TNKS: variants seen among roughly 807,000 people sequenced by gnomAD.
The protein encoded by TNKS is poly [ADP-ribose] polymerase tankyrase-1.
TNKS carries 72 observed loss-of-function variants against 135.8 expected under a neutral mutation model. The ratio of observed to expected loss-of-function variants is 0.53; its 90% CI spans 0.44 to 0.64. TNKS has a LOEUF of 0.64. TNKS is among the 30% of genes least tolerant of loss of function. The pLI, the probability that TNKS is intolerant of heterozygous loss-of-function variation, is 0.00. For missense variants in TNKS, 1,769 were observed against 1,674.0 expected, an observed-to-expected ratio of 1.06 and a Z score of -0.99; for synonymous variants, 849 against 649.3, an observed-to-expected ratio of 1.31 and a Z score of -4.68.
chr8:9,579,819 T>C (rs900026052), intron 1 of TNKS, among the ~76,000 whole-genome samples: 6 of 152,208 alleles, frequency 3.9e-5, no homozygotes, highest in Non-Finnish European at 7.3e-5. Flanking sequence ...TGAGTTTCTA[T>C]ATACAGTTTT....
In TNKS at chr8:9,607,262, GTTA is replaced by G. The variant is rs982833357; in HGVS notation, c.899-8317_899-8315del. 6.6e-5 allele frequency among the ~76,000 whole-genome samples: 10 copies of G among 152,128 alleles called. No homozygotes were observed. The East Asian group carries it at 1.5e-3, about 23-fold the overall frequency. ...GGAATCATTTTACATTTATGCAAAT[GTTA>G]TTCATATTTGACTTAATTGAAGACA... is the stretch of plus-strand genomic sequence containing the variant. On this transcript the variant is annotated intron_variant, in intron 2 of 26. Coordinates refer to ENST00000310430, the MANE Select transcript of TNKS (RefSeq NM_003747.3).
At chr8:9,657,253 ACCCCCCCACCTCCCTCCCGGACGG>A (rs1801427379) in intron 3 of TNKS, among the ~76,000 whole-genome samples, 1 of 80,350 alleles carries the variant, frequency 1.2e-5, no homozygotes, top group Admixed American at 1.2e-4. Flanking sequence ...CGGGGGGCCG[ACCCCCCCACCTCCCTCCCGGACGG>A]GGCGGCTGGC....
chr8:9,686,615 A>T (rs1803012991), intron 5 of TNKS, among the ~76,000 whole-genome samples: 2 of 152,304 alleles, frequency 1.3e-5, no homozygotes, highest in South Asian at 4.1e-4. Context: ...ATAAGTGAGG[A>T]TTTTAAAATA....
chr8:9,652,294 G>A (rs963070656), intron 3 of TNKS, among the ~76,000 whole-genome samples: 1 of 152,130 alleles, frequency 6.6e-6, no homozygotes, highest in Non-Finnish European at 1.5e-5. Context: ...TCTCAATAAG[G>A]TTCTATCTTT....
chr8:9,741,054 G>C (rs182261924), intron 17 of TNKS: 4 of 151,764 alleles, frequency 2.6e-5, no homozygotes, highest in African/African-American at 4.8e-5. Context: ...CTCGTGATCC[G>C]CCTGCCTCGG....
chr8:9,592,609 T>G (rs1798627799), intron 2 of TNKS, among the ~76,000 whole-genome samples: 1 of 152,222 alleles, frequency 6.6e-6, no homozygotes, highest in African/African-American at 2.4e-5. Flanking sequence ...TGTACCACGT[T>G]CTCTGTGGTA....
At chr8:9,733,838 C>G (rs999917940) in intron 15 of TNKS, among the ~76,000 whole-genome samples, 9 of 152,106 alleles carry the variant, frequency 5.9e-5, no homozygotes, top group Middle Eastern at 3.4e-3. Context: ...TAGTAAACAT[C>G]AAATATTGTG....
chr8:9,778,652 G>A lies in TNKS; in HGVS notation c.*1916G>A, dbSNP rs1408519892. The A allele has an allele frequency of 6.6e-6, 1 of 152,560 alleles. No homozygotes were observed. Among genetic ancestry groups the A allele is most frequent in the Non-Finnish European group, 1.5e-5 (1 of 68,022 alleles). 9.5% of individuals were successfully genotyped at this position (152,560 alleles called of 1,614,324 possible). On this transcript the variant is annotated 3_prime_UTR_variant, in exon 27 of 27. Coordinates refer to ENST00000310430, the MANE Select transcript of TNKS (RefSeq NM_003747.3). ...GCACTAGAATTCCAGGTGAAGCTTT[G>A]AGAGTTGATATTCATTAAGAGGGCT...
At chr8:9,572,189 A>T (rs186992565) in intron 1 of TNKS, among the ~76,000 whole-genome samples, 36 of 152,326 alleles carry the variant, frequency 2.4e-4, no homozygotes, top group African/African-American at 7.5e-4. Context: ...GATTTTGCAT[A>T]TCTGAGATTA....
chr8:9,694,621 G>T (rs1388140574), intron 5 of TNKS, among the ~76,000 whole-genome samples: 1 of 152,054 alleles, frequency 6.6e-6, no homozygotes, highest in Non-Finnish European at 1.5e-5. Flanking sequence ...AATTAGCCGG[G>T]TGTGGTGGTG....
intron 3 of TNKS, among the ~76,000 whole-genome samples, chr8:9,665,420 C>G (rs1197975158): frequency 6.6e-6 from 1 of 152,190 alleles, no homozygotes; most frequent in Admixed American, 6.5e-5. Flanking sequence ...ACCAGATTTA[C>G]TTTTTCTGTT....
intron 20 of TNKS, among the ~76,000 whole-genome samples, chr8:9,753,264 T>G (rs1806649655): frequency 6.6e-6 from 1 of 152,210 alleles, no homozygotes. Context: ...TTCATCTCAT[T>G]TCATTATTCA....
chr8:9,578,004 C>T (rs1177604522), intron 1 of TNKS, among the ~76,000 whole-genome samples: 1 of 152,166 alleles, frequency 6.6e-6, no homozygotes, highest in Admixed American at 6.5e-5. Flanking sequence ...GACTTCGAAA[C>T]CCAGCAGGGC....
intron 3 of TNKS, among the ~76,000 whole-genome samples, chr8:9,638,334 C>G (rs753098671): frequency 6.6e-6 from 1 of 152,210 alleles, no homozygotes; most frequent in South Asian, 2.1e-4. Flanking sequence ...ATGTTACTTA[C>G]TTTCTCATTA....
intron 2 of TNKS, among the ~76,000 whole-genome samples, chr8:9,591,530 A>C (rs947978218): frequency 3.9e-5 from 6 of 152,146 alleles, no homozygotes; most frequent in Non-Finnish European, 8.8e-5. Context: ...TGTTGAGAAT[A>C]TTTTTATGTA....
intron 3 of TNKS, among the ~76,000 whole-genome samples, chr8:9,639,930 A>G (rs763651472): frequency 6.6e-6 from 1 of 152,224 alleles, no homozygotes; most frequent in Non-Finnish European, 1.5e-5. Flanking sequence ...GGACGGTTCA[A>G]GAACAGTGGG....
intron 1 of TNKS, among the ~76,000 whole-genome samples, chr8:9,578,992 A>T (rs968789142): frequency 6.6e-6 from 1 of 152,112 alleles, no homozygotes; most frequent in Non-Finnish European, 1.5e-5. Context: ...TTAAATCCTC[A>T]TGGTACTGGA....
At chr8:9,751,547 GA>G in intron 18 of TNKS, 61 bp from the exon 19 acceptor site, 6 of 1,481,006 alleles carry the variant, frequency 4.1e-6, no homozygotes, top group Non-Finnish European at 5.5e-6. Flanking sequence ...GGTTATCAGT[GA>G]AAAACTTACC....
At chr8:9,640,865 A>C (rs1800700367) in intron 3 of TNKS, among the ~76,000 whole-genome samples, 1 of 145,970 alleles carries the variant, frequency 6.9e-6, no homozygotes, top group Non-Finnish European at 1.5e-5. Context: ...TGTGTAACTC[A>C]CAACATACCC....
Sources: allele counts gnomAD v4.1 joint callset (sites outside exome capture counted in the v4.1 genomes callset), GRCh38; gene constraint gnomAD v4.1.1; transcripts MANE v1.5; gene names NCBI Gene and HGNC (gene_info 2026-07-23, HGNC 2026-07-21).